Variants in SCP2 observed in about 807,000 individuals in gnomAD.
SCP2 encodes sterol carrier protein 2, also known as SCP-2/3-oxoacyl-CoA thiolase.
Under a neutral mutation model 71.4 loss-of-function variants are expected in SCP2, and 48 were observed. That is an observed-to-expected ratio of 0.67 (90% CI 0.53 to 0.86). The LOEUF (loss-of-function observed/expected upper bound fraction) is 0.86, where lower values mean the gene tolerates loss of function less well. Ranked by LOEUF, SCP2 falls within the 40% of genes least tolerant of loss-of-function variation. SCP2 has a pLI of 0.00. For synonymous variants in SCP2, 220 were observed against 218.1 expected (o/e 1.01, Z -0.08); for missense variants, 560 against 655.6 (o/e 0.85, Z 1.59).
intron 8 of SCP2, among the ~76,000 whole-genome samples, chr1:52,977,428 A>G (rs1658075973): frequency 6.6e-6 from 1 of 152,240 alleles, no homozygotes; most frequent in Non-Finnish European, 1.5e-5. Flanking sequence ...GCTGTAAGAA[A>G]AAGATCTGTT....
chr1:53,030,441 A>G (rs755634787), intron 13 of SCP2, among the ~76,000 whole-genome samples: 1 of 152,202 alleles, frequency 6.6e-6, no homozygotes, highest in Non-Finnish European at 1.5e-5. Context: ...CACCAGAAAG[A>G]GAGTACTAAC....
At chr1:52,992,186 C>T (rs568392980) in intron 11 of SCP2, among the ~76,000 whole-genome samples, 1 of 152,090 alleles carries the variant, frequency 6.6e-6, no homozygotes, top group South Asian at 2.1e-4. Context: ...CTGTAGTTTC[C>T]ACTTGTTTTT....
intron 11 of SCP2, among the ~76,000 whole-genome samples, chr1:52,991,674 C>T (rs1659516611): frequency 6.6e-6 from 1 of 152,076 alleles, no homozygotes; most frequent in South Asian, 2.1e-4. Context: ...GCTGGGATTA[C>T]AGGCATGAAC....
intron 13 of SCP2, among the ~76,000 whole-genome samples, chr1:53,037,610 C>T (rs12747412): frequency 0.27 from 41,021 of 151,654 alleles, 7,289 homozygotes; most frequent in Non-Finnish European, 0.4. Flanking sequence ...CTTCTTTCCC[C>T]GATGTCCAAA....
At chr1:52,929,617 G>A (rs1194923910) in intron 1 of SCP2, among the ~76,000 whole-genome samples, 1 of 151,570 alleles carries the variant, frequency 6.6e-6, no homozygotes, top group African/African-American at 2.4e-5. Flanking sequence ...GCTACTTTTT[G>A]TATTTTTATT....
intron 13 of SCP2, among the ~76,000 whole-genome samples, chr1:53,036,005 G>A (rs112105320): frequency 0.098 from 13,556 of 139,004 alleles, 1,315 homozygotes; most frequent in African/African-American, 0.22. Context: ...GGGCGACAGA[G>A]CGAGACTCCG....
rs1656482738 is a variant in SCP2, at chr1:52,961,779, A to G, written c.523+150A>G. 5.5e-6 allele frequency: 4 copies of G among 722,860 alleles called. No homozygotes were observed. In the South Asian group the frequency reaches 7.0e-5, roughly 13 times the overall value. 44.8% of individuals were successfully genotyped at this position (722,860 alleles called of 1,614,324 possible). A position where few individuals can be genotyped will look rare whatever the true frequency, so the allele number is the denominator to read the frequency against. On this transcript the variant is annotated intron_variant, in intron 6 of 15. Transcript: ENST00000371514. ...ATTAAATCGAAGTAATAGTTCTTGT[A>G]GAACTTAGTCATAGAGAAAGTATTT...
At chr1:52,974,683 A>C (rs527516476) in intron 6 of SCP2, 86 bp from the exon 7 acceptor site, 6 of 787,336 alleles carry the variant, frequency 7.6e-6, no homozygotes, top group Non-Finnish European at 1.4e-5. Flanking sequence ...GGAGATATTT[A>C]GCAGAACACT....
At position 52,997,908 on chromosome 1, in the gene SCP2, T is replaced by A. The variant is rs546018578; in HGVS notation, c.1081+9772T>A. ...CCTCCCTGAAACATTTCTCTCTCAC[T>A]CTCCACCACCACCAGGCTGAGATGT... is the stretch of plus-strand genomic sequence containing the variant. On this transcript the variant is annotated intron_variant, in intron 11 of 15. Transcript: ENST00000371514. Among the ~76,000 whole-genome samples, 70 of 152,360 alleles carry A rather than the reference T, an allele frequency of 4.6e-4. 1 individual carries two copies. The highest frequency in any genetic ancestry group is 1.5e-3 in the African/African-American group (64 of 41,572).
At chr1:52,994,360 G>A in intron 11 of SCP2, 1 of 887,282 alleles carries the variant, frequency 1.1e-6, no homozygotes, top group South Asian at 5.0e-5. Context: ...CATTTTAGTT[G>A]TTCTTGTTGA....
At chr1:52,927,641 C>T (rs1180488756) in intron 1 of SCP2, among the ~76,000 whole-genome samples, 176 bp downstream of exon 1, 1 of 152,204 alleles carries the variant, frequency 6.6e-6, no homozygotes, top group Non-Finnish European at 1.5e-5. Flanking sequence ...GGGCTGGTTC[C>T]TGCGGCCTTC....
chr1:52,981,984 G>A (rs1443281049), intron 10 of SCP2, among the ~76,000 whole-genome samples: 1 of 151,368 alleles, frequency 6.6e-6, no homozygotes, highest in Admixed American at 6.6e-5. Context: ...GACTTCTTTT[G>A]CATTATTTAA....
chr1:52,955,973 GAA>G (rs59457114), intron 5 of SCP2, among the ~76,000 whole-genome samples: 2 of 140,726 alleles, frequency 1.4e-5, no homozygotes, highest in African/African-American at 5.2e-5. Flanking sequence ...TTATTGGCAT[GAA>G]AAAAAAAAAC....
intron 13 of SCP2, among the ~76,000 whole-genome samples, chr1:53,028,463 C>T (rs1295444118): frequency 2.7e-5 from 4 of 149,934 alleles, no homozygotes; most frequent in Non-Finnish European, 5.9e-5. Flanking sequence ...TTAAAATGAG[C>T]CTTTTTTGTA....
intron 14 of SCP2, among the ~76,000 whole-genome samples, chr1:53,045,212 C>T (rs767726936): frequency 6.6e-6 from 1 of 152,338 alleles, no homozygotes; most frequent in South Asian, 2.1e-4. Flanking sequence ...CTCCTGCCCC[C>T]CTGCTATCAC....
chr1:52,929,280 C>G (rs1652901086), intron 1 of SCP2, among the ~76,000 whole-genome samples: 1 of 151,144 alleles, frequency 6.6e-6, no homozygotes, highest in Non-Finnish European at 1.5e-5. Context: ...TCACTGCAGC[C>G]TTGAACTCCT....
chr1:52,972,458 T>C (rs11585570), intron 6 of SCP2, among the ~76,000 whole-genome samples: 44,987 of 152,114 alleles, frequency 0.3, 8,076 homozygotes, highest in Admixed American at 0.44. Context: ...ACGAACATTA[T>C]TGAACATCTC....
At chr1:53,015,702 C>G (rs1661289546) in intron 12 of SCP2, among the ~76,000 whole-genome samples, 1 of 152,198 alleles carries the variant, frequency 6.6e-6, no homozygotes, top group Admixed American at 6.5e-5. Flanking sequence ...CCTCTGTCAG[C>G]ATACATGTTC....
chr1:52,946,012 T>G (rs963211771), intron 2 of SCP2, among the ~76,000 whole-genome samples: 8 of 151,878 alleles, frequency 5.3e-5, no homozygotes, highest in African/African-American at 1.9e-4. Context: ...CACTGCAGCC[T>G]TGACCTCCTG....
Sources: gnomAD v4.1 joint callset for allele counts (sites outside exome capture counted in the v4.1 genomes callset) on GRCh38, gnomAD v4.1.1 for gene constraint, MANE v1.5 for transcripts, NCBI Gene and HGNC (gene_info 2026-07-23, HGNC 2026-07-21) for gene names.